Variants in CCSER1 observed in about 807,000 individuals in gnomAD.
CCSER1 encodes serine-rich coiled-coil domain-containing protein 1.
A neutral mutation model predicts 82.0 loss-of-function variants in CCSER1; 41 were observed. That is an observed-to-expected ratio of 0.50 (90% CI 0.39 to 0.65). The LOEUF (loss-of-function observed/expected upper bound fraction) is 0.65, where lower values mean the gene tolerates loss of function less well. Among genes scored for constraint, CCSER1 ranks in the 30% least tolerant of loss-of-function variants. CCSER1 has a pLI of 0.00. For missense variants in CCSER1, 1,119 were observed against 1,064.2 expected, an observed-to-expected ratio of 1.05 and a Z score of -0.72; for synonymous variants, 414 against 383.9, an observed-to-expected ratio of 1.08 and a Z score of -0.92.
intron 6 of CCSER1, among the ~76,000 whole-genome samples, chr4:90,662,581 C>T (rs946002783): frequency 1.3e-5 from 2 of 152,048 alleles, no homozygotes; most frequent in African/African-American, 2.4e-5. Flanking sequence ...CTTTAACATG[C>T]ATTCTGATTG....
chr4:90,663,533 C>T (rs569612336), intron 6 of CCSER1, among the ~76,000 whole-genome samples: 2 of 152,106 alleles, frequency 1.3e-5, no homozygotes, highest in Non-Finnish European at 2.9e-5. Flanking sequence ...GCTTTGTCAC[C>T]CAGCTAGAAT....
intron 10 of CCSER1, among the ~76,000 whole-genome samples, chr4:91,207,047 A>G (rs1459531138): frequency 6.6e-6 from 1 of 151,824 alleles, no homozygotes; most frequent in East Asian, 1.9e-4. Context: ...TATAAGATGG[A>G]CCATGGAAAG....
intron 3 of CCSER1, among the ~76,000 whole-genome samples, chr4:90,333,938 C>T (rs1198932519): frequency 1.3e-5 from 2 of 151,964 alleles, no homozygotes; most frequent in African/African-American, 4.8e-5. Flanking sequence ...CTTTTAACTT[C>T]ACTGAGTCAG....
At chr4:91,151,909 T>C (rs1271261544) in intron 10 of CCSER1, among the ~76,000 whole-genome samples, 1 of 152,204 alleles carries the variant, frequency 6.6e-6, no homozygotes, top group African/African-American at 2.4e-5. Flanking sequence ...TGGTCAATTT[T>C]GGAATAAGTG....
intron 10 of CCSER1, among the ~76,000 whole-genome samples, chr4:91,592,279 T>G (rs73836292): frequency 1.4e-3 from 213 of 152,218 alleles, no homozygotes; most frequent in African/African-American, 4.8e-3. Context: ...CTATCTGATC[T>G]CGTGAGAACT....
chr4:90,956,634 T>C (rs1022719547), intron 9 of CCSER1, among the ~76,000 whole-genome samples: 1 of 152,148 alleles, frequency 6.6e-6, no homozygotes, highest in African/African-American at 2.4e-5. Flanking sequence ...ATTAGGTTTC[T>C]TATGGAGAGA....
intron 9 of CCSER1, among the ~76,000 whole-genome samples, chr4:91,078,661 C>T (rs747767256): frequency 1.3e-5 from 2 of 152,120 alleles, no homozygotes; most frequent in Non-Finnish European, 2.9e-5. Context: ...ACGAACCCAT[C>T]GCAAGAAGCT....
At position 90,239,096 on chromosome 4, in the gene CCSER1, CT is replaced by C. The variant is rs570475289; in HGVS notation, c.-41-69147del. ...GAACTCCTGACCGCAGGTGATCCGCCTGCCTGGGCCTCCCAAAGTGTTGGGA... is the reference window on the plus strand; with the variant it reads ...GAACTCCTGACCGCAGGTGATCCGCCGCCTGGGCCTCCCAAAGTGTTGGGA... On this transcript the variant is annotated intron_variant, in intron 1 of 10. Transcript: ENST00000509176. 5.7e-3 allele frequency among the ~76,000 whole-genome samples: 870 copies of C among 152,346 alleles called. 6 individuals carry two copies. The highest frequency in any genetic ancestry group is 9.3e-3 in the Non-Finnish European group (630 of 68,040).
At chr4:90,175,764 T>C (rs113616694) in intron 1 of CCSER1, among the ~76,000 whole-genome samples, 49 of 152,136 alleles carry the variant, frequency 3.2e-4, no homozygotes, top group African/African-American at 1.1e-3. Flanking sequence ...GTCAGTTATC[T>C]GTCAAGAATT....
intron 8 of CCSER1, among the ~76,000 whole-genome samples, chr4:90,859,663 A>G (rs1490488783): frequency 1.3e-5 from 2 of 151,782 alleles, no homozygotes; most frequent in Non-Finnish European, 3.0e-5. Context: ...TTTTCTTTAT[A>G]AGACAATTTT....
chr4:91,048,615 T>G (rs1189636328), intron 9 of CCSER1, among the ~76,000 whole-genome samples: 1 of 152,130 alleles, frequency 6.6e-6, no homozygotes, highest in African/African-American at 2.4e-5. Flanking sequence ...ACAATGTACA[T>G]TATTTAATAA....
intron 10 of CCSER1, among the ~76,000 whole-genome samples, chr4:91,479,925 A>G (rs1186599826): frequency 5.1e-5 from 6 of 117,702 alleles, no homozygotes; most frequent in African/African-American, 2.0e-4. Flanking sequence ...CCAGAGTGTG[A>G]TATTCCCCTT....
At chr4:90,832,908 C>A (rs1761313464) in intron 8 of CCSER1, among the ~76,000 whole-genome samples, 1 of 152,162 alleles carries the variant, frequency 6.6e-6, no homozygotes, top group Non-Finnish European at 1.5e-5. Context: ...ACCAAATCTA[C>A]TGATAATCAA....
chr4:90,982,528 G>T (rs535697336), intron 9 of CCSER1, among the ~76,000 whole-genome samples: 36 of 151,778 alleles, frequency 2.4e-4, no homozygotes, highest in African/African-American at 8.0e-4. Flanking sequence ...ACCAGAATGG[G>T]AAAGATATTA....
intron 10 of CCSER1, among the ~76,000 whole-genome samples, chr4:91,229,498 A>T (rs547605510): frequency 6.6e-6 from 1 of 152,188 alleles, no homozygotes; most frequent in African/African-American, 2.4e-5. Flanking sequence ...AGTTTAAAAA[A>T]TTTGATTTCT....
chr4:90,569,119 G>C (rs375696186), intron 5 of CCSER1, among the ~76,000 whole-genome samples: 2 of 151,520 alleles, frequency 1.3e-5, no homozygotes, highest in Non-Finnish European at 2.9e-5. Flanking sequence ...TTTATTTTTT[G>C]TGTATCTACT....
intron 6 of CCSER1, among the ~76,000 whole-genome samples, chr4:90,684,187 T>A (rs1403858127): frequency 1.3e-5 from 2 of 152,186 alleles, no homozygotes; most frequent in Non-Finnish European, 2.9e-5. Flanking sequence ...TTGTTTCACT[T>A]TATTTTGGGA....
At chr4:90,548,571 G>C (rs1191859289) in intron 5 of CCSER1, among the ~76,000 whole-genome samples, 1 of 152,004 alleles carries the variant, frequency 6.6e-6, no homozygotes, top group East Asian at 1.9e-4. Context: ...TAAGACTCTA[G>C]GTCCTTGGAT....
At chr4:91,515,347 T>C (rs1029088030) in intron 10 of CCSER1, among the ~76,000 whole-genome samples, 2 of 152,054 alleles carry the variant, frequency 1.3e-5, no homozygotes, top group Admixed American at 6.6e-5. Context: ...TTCTGATCCT[T>C]TCTCACCTCC....
Sources: allele counts gnomAD v4.1 joint callset (sites outside exome capture counted in the v4.1 genomes callset), GRCh38; gene constraint gnomAD v4.1.1; transcripts MANE v1.5; gene names NCBI Gene and HGNC (gene_info 2026-07-23, HGNC 2026-07-21).